The following FRMD4A variants were observed in gnomAD, a reference collection of about 807,000 sequenced individuals.
FRMD4A encodes the protein FERM domain containing 4A, also known as FERM domain-containing protein 4A.
FRMD4A carries 29 observed loss-of-function variants against 129.1 expected under a neutral mutation model. The observed-to-expected ratio is 0.22, with a 90% CI of 0.17 to 0.31. The LOEUF is 0.31. Ranked by LOEUF, FRMD4A falls within the 10% of genes least tolerant of loss-of-function variation. The pLI, the probability that FRMD4A is intolerant of heterozygous loss-of-function variation, is 1.00. For synonymous variants in FRMD4A, 634 were observed against 571.6 expected, an observed-to-expected ratio of 1.11 and a Z score of -1.56; for missense variants, 1,272 against 1,375.8, an observed-to-expected ratio of 0.92 and a Z score of 1.19.
chr10:13,900,505 C>T (rs768651552), intron 2 of FRMD4A, among the ~76,000 whole-genome samples: 46 of 152,262 alleles, frequency 3.0e-4, no homozygotes, highest in Non-Finnish European at 5.4e-4. Flanking sequence ...CCAGCGAGTA[C>T]CACGGTATAA....
intron 8 of FRMD4A, among the ~76,000 whole-genome samples, chr10:13,752,293 A>G (rs2091665100): frequency 6.6e-6 from 1 of 152,208 alleles, no homozygotes; most frequent in Non-Finnish European, 1.5e-5. Context: ...TCTACTGGGG[A>G]AAAACAAAGA....
intron 2 of FRMD4A, among the ~76,000 whole-genome samples, chr10:14,282,299 T>A (rs1845547143): frequency 6.6e-6 from 1 of 152,074 alleles, no homozygotes; most frequent in Admixed American, 6.5e-5. Context: ...CTCCTAAAGG[T>A]ACTGGGGCTT....
intron 2 of FRMD4A, among the ~76,000 whole-genome samples, chr10:14,090,084 G>T (rs1836572102): frequency 6.6e-6 from 1 of 152,236 alleles, no homozygotes; most frequent in South Asian, 2.1e-4. Context: ...GCAGATGGCT[G>T]CTGGGAGAAT....
chr10:13,955,259 C>T (rs1197529047), intron 2 of FRMD4A, among the ~76,000 whole-genome samples: 2 of 152,038 alleles, frequency 1.3e-5, no homozygotes, highest in Non-Finnish European at 2.9e-5. Flanking sequence ...AGGCGCTCAC[C>T]ACCACGTCCA....
chr10:13,993,580 G>C (rs574010283), intron 2 of FRMD4A, among the ~76,000 whole-genome samples: 9 of 152,126 alleles, frequency 5.9e-5, no homozygotes, highest in Non-Finnish European at 1.3e-4. Flanking sequence ...GAAATTGCTT[G>C]ATTTGTTCTG....
chr10:13,936,779 G>A (rs1179991751), intron 2 of FRMD4A, among the ~76,000 whole-genome samples: 1 of 152,190 alleles, frequency 6.6e-6, no homozygotes, highest in Non-Finnish European at 1.5e-5. Context: ...AAATGAAGGG[G>A]TGAGCCAAGG....
intron 2 of FRMD4A, among the ~76,000 whole-genome samples, chr10:14,120,789 G>A (rs1274559542): frequency 6.6e-6 from 1 of 152,162 alleles, no homozygotes; most frequent in Non-Finnish European, 1.5e-5. Flanking sequence ...GAGACCCAGG[G>A]GGCCTGTCTG....
chr10:14,177,125 G>C (rs974523469), intron 2 of FRMD4A, among the ~76,000 whole-genome samples: 2 of 152,176 alleles, frequency 1.3e-5, no homozygotes, highest in African/African-American at 2.4e-5. Context: ...GGTTTGCACT[G>C]TTTGTGCCCT....
At position 13,847,868 on chromosome 10, in the gene FRMD4A, C is replaced by T. The variant is rs1360274405; in HGVS notation, c.111+10979G>A. ...GCGGTAGACAAATAATAAATATTTA[C>T]CAAACAAGCAAGAACTTGAATTAAG... is the stretch of plus-strand genomic sequence containing the variant. On this transcript the variant is annotated intron_variant, in intron 3 of 24. Coordinates refer to ENST00000357447, the MANE Select transcript of FRMD4A (RefSeq NM_018027.5). Among the ~76,000 whole-genome samples, 5 of 152,288 alleles carry T rather than the reference C, an allele frequency of 3.3e-5. No homozygotes were observed. In the East Asian group the frequency reaches 9.6e-4, roughly 29 times the overall value.
chr10:13,995,025 C>G (rs764652600), intron 2 of FRMD4A, among the ~76,000 whole-genome samples: 1 of 152,216 alleles, frequency 6.6e-6, no homozygotes, highest in Non-Finnish European at 1.5e-5. Context: ...TGTGTACCAT[C>G]TGAGATAGAA....
chr10:13,930,340 A>T (rs777803465), intron 2 of FRMD4A, among the ~76,000 whole-genome samples: 5 of 152,182 alleles, frequency 3.3e-5, no homozygotes, highest in Non-Finnish European at 7.3e-5. Context: ...GTGACGAGTG[A>T]CAAGAGAGGG....
chr10:13,968,864 G>C (rs1156595980), intron 2 of FRMD4A, among the ~76,000 whole-genome samples: 1 of 152,082 alleles, frequency 6.6e-6, no homozygotes, highest in African/African-American at 2.4e-5. Flanking sequence ...GGGGAGTGAA[G>C]TTTTTCTTGA....
rs558970534 is a variant in FRMD4A, at chr10:13,930,625, G to T, written c.46-71713C>A. Among the ~76,000 whole-genome samples the T allele has an allele frequency of 7.0e-4, 107 of 152,220 alleles. 1 individual carries two copies. Among genetic ancestry groups the T allele is most frequent in the Non-Finnish European group, 1.4e-3 (94 of 68,002 alleles). On this transcript the variant is annotated intron_variant, in intron 2 of 24. Coordinates refer to ENST00000357447, the MANE Select transcript of FRMD4A (RefSeq NM_018027.5). ...AAGAGTGTCACTGCCAGACGTTCCCGAAGGGTCTGGGGGGAAACAGACAGA... is the reference window on the plus strand; with the variant it reads ...AAGAGTGTCACTGCCAGACGTTCCCTAAGGGTCTGGGGGGAAACAGACAGA...
At chr10:13,820,976 G>A (rs1397508747) in intron 3 of FRMD4A, among the ~76,000 whole-genome samples, 1 of 152,244 alleles carries the variant, frequency 6.6e-6, no homozygotes, top group African/African-American at 2.4e-5. Context: ...CAGAGGGAAA[G>A]AGCAGGGGAA....
At chr10:13,961,423 T>G (rs1452076678) in intron 2 of FRMD4A, among the ~76,000 whole-genome samples, 1 of 152,172 alleles carries the variant, frequency 6.6e-6, no homozygotes, top group African/African-American at 2.4e-5. Context: ...GGTATGACAG[T>G]GCTTAGTAGA....
chr10:13,717,439 G>T (rs1018278370), intron 12 of FRMD4A, among the ~76,000 whole-genome samples: 4 of 151,924 alleles, frequency 2.6e-5, no homozygotes, highest in African/African-American at 9.7e-5. Context: ...TCAGCCTCCC[G>T]AATAGCTGAG....
intron 2 of FRMD4A, among the ~76,000 whole-genome samples, chr10:14,108,442 G>T (rs758676244): frequency 6.6e-6 from 1 of 152,198 alleles, no homozygotes; most frequent in Non-Finnish European, 1.5e-5. Context: ...TATGAGGACT[G>T]AGGTTTAAAC....
At chr10:13,993,842 T>A (rs935698873) in intron 2 of FRMD4A, among the ~76,000 whole-genome samples, 1 of 78,262 alleles carries the variant, frequency 1.3e-5, no homozygotes, top group African/African-American at 3.5e-5. Context: ...CAGAATAGGT[T>A]TTTTTTTTTT....
chr10:14,107,910 G>T (rs1837670365), intron 2 of FRMD4A, among the ~76,000 whole-genome samples: 1 of 152,224 alleles, frequency 6.6e-6, no homozygotes, highest in African/African-American at 2.4e-5. Flanking sequence ...ATGCTGCAAA[G>T]AGTAGCCTTA....
Sources: allele counts gnomAD v4.1 joint callset (sites outside exome capture counted in the v4.1 genomes callset), GRCh38; gene constraint gnomAD v4.1.1; transcripts MANE v1.5; gene names NCBI Gene and HGNC (gene_info 2026-07-23, HGNC 2026-07-21).